The following NDUFS4 variants were observed in gnomAD, a reference collection of about 807,000 sequenced individuals.
NDUFS4 encodes NADH dehydrogenase [ubiquinone] iron-sulfur protein 4, mitochondrial.
Under a neutral mutation model 24.3 loss-of-function variants are expected in NDUFS4, and 28 were observed. That is an observed-to-expected ratio of 1.15 (90% CI 0.85 to 1.58). The LOEUF is 1.58. Among genes scored for constraint, NDUFS4 ranks in the 40% most tolerant of loss-of-function variants. NDUFS4 has a pLI of 0.00. For synonymous variants in NDUFS4, 93 were observed against 69.7 expected (o/e 1.34, Z -1.67); for missense variants, 223 against 207.9 (o/e 1.07, Z -0.45).
intron 4 of NDUFS4, among the ~76,000 whole-genome samples, chr5:53,665,263 T>C (rs1342246951): frequency 6.6e-6 from 1 of 152,162 alleles, no homozygotes; most frequent in Non-Finnish European, 1.5e-5. Context: ...CCAGTTAGGC[T>C]ACTCAGGGGT....
At chr5:53,674,048 A>G (rs747909603) in intron 4 of NDUFS4, among the ~76,000 whole-genome samples, 2 of 152,240 alleles carry the variant, frequency 1.3e-5, no homozygotes, top group African/African-American at 4.8e-5. Context: ...TTCGTCTCCT[A>G]TAATAAAAGA....
chr5:53,630,909 A>G (rs924832197), intron 2 of NDUFS4, among the ~76,000 whole-genome samples: 10 of 152,110 alleles, frequency 6.6e-5, no homozygotes, highest in Non-Finnish European at 8.8e-5. Context: ...TTCTCCGTCC[A>G]GTTTCCTTTT....
intron 2 of NDUFS4, among the ~76,000 whole-genome samples, chr5:53,614,896 T>A (rs1360794643): frequency 6.6e-6 from 1 of 151,988 alleles, no homozygotes; most frequent in Non-Finnish European, 1.5e-5. Flanking sequence ...TTTAGGTTTT[T>A]TGTCATATTC....
chr5:53,569,759 C>T (rs572062298), intron 1 of NDUFS4, among the ~76,000 whole-genome samples: 2 of 152,284 alleles, frequency 1.3e-5, no homozygotes, highest in South Asian at 4.1e-4. Flanking sequence ...CAAGTCTGTG[C>T]TCCAGGCTTA....
intron 1 of NDUFS4, among the ~76,000 whole-genome samples, chr5:53,571,731 A>T (rs780007718): frequency 6.6e-6 from 1 of 152,170 alleles, no homozygotes; most frequent in Non-Finnish European, 1.5e-5. Flanking sequence ...CCTAGTGAGT[A>T]TAAGGTGGTA....
intron 4 of NDUFS4, among the ~76,000 whole-genome samples, chr5:53,673,494 A>G (rs1030526393): frequency 5.3e-5 from 8 of 152,176 alleles, no homozygotes; most frequent in South Asian, 2.1e-4. Context: ...GAGAAATGAT[A>G]TGTGGCCACT....
At chr5:53,642,281 TCCTTCAGTGTTGC>T (rs1751728537) in intron 2 of NDUFS4, among the ~76,000 whole-genome samples, 1 of 152,158 alleles carries the variant, frequency 6.6e-6, no homozygotes, top group South Asian at 2.1e-4. Context: ...GCAGCTGCAC[TCCTTCAGTGTTGC>T]CCTAATTTAC....
chr5:53,575,930 A>G (rs553729126), intron 1 of NDUFS4, among the ~76,000 whole-genome samples: 1 of 152,336 alleles, frequency 6.6e-6, no homozygotes, highest in East Asian at 1.9e-4. Flanking sequence ...AATGGCATAA[A>G]GAAAGGGTTT....
intron 4 of NDUFS4, among the ~76,000 whole-genome samples, chr5:53,677,235 A>G (rs911171045): frequency 1.3e-5 from 2 of 152,206 alleles, no homozygotes; most frequent in Admixed American, 1.3e-4. Flanking sequence ...TATTATTTGA[A>G]AAGATAAAAT....
chr5:53,636,668 G>A (rs180752561), intron 2 of NDUFS4, among the ~76,000 whole-genome samples: 20 of 152,178 alleles, frequency 1.3e-4, no homozygotes, highest in Middle Eastern at 3.4e-3. Context: ...CAAATCTGAC[G>A]TGGAGATGTA....
intron 2 of NDUFS4, among the ~76,000 whole-genome samples, chr5:53,635,487 C>T (rs1006930037): frequency 8.6e-5 from 13 of 151,890 alleles, no homozygotes; most frequent in Non-Finnish European, 1.5e-4. Flanking sequence ...GCCACTGCAC[C>T]CTAACCTGGG....
At chr5:53,631,903 G>A (rs984992012) in intron 2 of NDUFS4, among the ~76,000 whole-genome samples, 1 of 152,184 alleles carries the variant, frequency 6.6e-6, no homozygotes, top group Non-Finnish European at 1.5e-5. Flanking sequence ...ACAGTATCTG[G>A]GCAGAAGTGT....
At chr5:53,663,005 G>C (rs1238452270) in intron 4 of NDUFS4, among the ~76,000 whole-genome samples, 3 of 151,980 alleles carry the variant, frequency 2.0e-5, no homozygotes, top group Non-Finnish European at 2.9e-5. Context: ...GTGTCCCAGA[G>C]ATTCTGGTAT....
chr5:53,620,606 C>G (rs1473090181), intron 2 of NDUFS4, among the ~76,000 whole-genome samples: 1 of 152,130 alleles, frequency 6.6e-6, no homozygotes, highest in Non-Finnish European at 1.5e-5. Context: ...AGCATTATAA[C>G]AGAGTTTGTG....
At chr5:53,632,686 A>G (rs550443520) in intron 2 of NDUFS4, among the ~76,000 whole-genome samples, 2 of 152,238 alleles carry the variant, frequency 1.3e-5, no homozygotes, top group East Asian at 3.9e-4. Flanking sequence ...ATAGGACTGC[A>G]TCTTGAGTTT....
intron 1 of NDUFS4, among the ~76,000 whole-genome samples, chr5:53,570,684 C>CTTTTTTTTT (rs70983360): frequency 8.3e-6 from 1 of 119,864 alleles, no homozygotes; most frequent in Non-Finnish European, 1.7e-5. Context: ...ATTTTTTTTT[C>CTTTTTTTTT]TTTTTTTTTT....
rs79726704 is a variant in NDUFS4 at position 53,680,711 on chromosome 5, G to C, written c.425-2407G>C. Among the ~76,000 whole-genome samples, 229 of 152,176 alleles carry C rather than the reference G, an allele frequency of 1.5e-3. 4 individuals are homozygous for C. In the East Asian group the frequency reaches 0.042, roughly 28 times the overall value. ...GGACTGTTGTGGGGTGGGGGGAGCG[G>C]GGAGGGATAGCTTTAGGAGATATAC... is the stretch of plus-strand genomic sequence containing the variant. On this transcript the variant is annotated intron_variant, in intron 4 of 4. Coordinates refer to ENST00000296684, the MANE Select transcript of NDUFS4 (RefSeq NM_002495.4).
At chr5:53,622,753 A>T (rs918320366) in intron 2 of NDUFS4, among the ~76,000 whole-genome samples, 2 of 152,190 alleles carry the variant, frequency 1.3e-5, no homozygotes, top group African/African-American at 4.8e-5. Flanking sequence ...CATTGCACAA[A>T]GTTTACCATT....
chr5:53,600,237 G>A (rs1750268146), intron 1 of NDUFS4, among the ~76,000 whole-genome samples: 1 of 151,980 alleles, frequency 6.6e-6, no homozygotes, highest in Admixed American at 6.6e-5. Context: ...GAACTTAGGT[G>A]ATCCGCCATC....
Sources: gnomAD v4.1 joint callset for allele counts (sites outside exome capture counted in the v4.1 genomes callset) on GRCh38, gnomAD v4.1.1 for gene constraint, MANE v1.5 for transcripts, NCBI Gene and HGNC (gene_info 2026-07-23, HGNC 2026-07-21) for gene names.